CAPN13: variants seen among roughly 807,000 people sequenced by gnomAD.
CAPN13 encodes the protein calpain 13.
Under a neutral mutation model 98.4 loss-of-function variants are expected in CAPN13, and 90 were observed. That is an observed-to-expected ratio of 0.92 (90% confidence interval 0.77 to 1.09). The LOEUF (loss-of-function observed/expected upper bound fraction) is 1.09, where lower values mean the gene tolerates loss of function less well. CAPN13 is among the 50% of genes least tolerant of loss of function. The pLI is 0.00. For synonymous variants in CAPN13, 330 were observed against 305.5 expected (o/e 1.08, Z -0.84); for missense variants, 887 against 841.3 (o/e 1.05, Z -0.67).
chr2:30,723,973 C>T (rs1670775859), intron 22 of CAPN13, among the ~76,000 whole-genome samples: 1 of 152,180 alleles, frequency 6.6e-6, no homozygotes, highest in African/African-American at 2.4e-5. Flanking sequence ...CCTCCCTAAA[C>T]TCTTTCTTCT....
intron 1 of CAPN13, among the ~76,000 whole-genome samples, chr2:30,800,128 G>GAAAGAAAAGAAAGAAAAGAAAGA (rs1558351422): frequency 1.0e-4 from 13 of 129,450 alleles, no homozygotes; most frequent in African/African-American, 3.8e-4. Context: ...AAGAAAGAAA[G>GAAAGAAAAGAAAGAAAAGAAAGA]AAAGAAAGAA....
At chr2:30,763,400 G>A (rs542503068) in intron 6 of CAPN13, among the ~76,000 whole-genome samples, 3 of 152,198 alleles carry the variant, frequency 2.0e-5, no homozygotes, top group South Asian at 2.1e-4. Flanking sequence ...AGTCCCGAGG[G>A]CCTGGGTTAC....
intron 13 of CAPN13, chr2:30,743,024 C>A (rs1671735746): frequency 7.3e-6 from 2 of 274,378 alleles, no homozygotes. Flanking sequence ...TTCTACCTAC[C>A]TTCCCATGGC....
intron 7 of CAPN13, among the ~76,000 whole-genome samples, chr2:30,760,798 T>G (rs1313076075): frequency 1.3e-5 from 2 of 151,974 alleles, no homozygotes; most frequent in African/African-American, 4.8e-5. Context: ...GGAGCAGGGG[T>G]CACACGCGAG....
At chr2:30,796,744 T>G (rs1028879569) in intron 1 of CAPN13, among the ~76,000 whole-genome samples, 1 of 152,216 alleles carries the variant, frequency 6.6e-6, no homozygotes, top group Admixed American at 6.5e-5. Flanking sequence ...TGGCTAAATT[T>G]CATTTTGAAA....
At position 30,777,565 on chromosome 2, in the gene CAPN13, A is replaced by C; in HGVS notation, c.271+2T>G. On this transcript the variant is annotated splice_donor_variant, in intron 3 of 22. Coordinates refer to ENST00000295055, the MANE Select transcript of CAPN13 (RefSeq NM_144575.3). LOFTEE classifies it high-confidence loss of function. Reference sequence around the variant, plus strand: ...CACGGAGGGAAGATGTTGCACTCTTACCTGCGCCTCCTTGTTGGATGTCAA... The same window carrying C: ...CACGGAGGGAAGATGTTGCACTCTTCCCTGCGCCTCCTTGTTGGATGTCAA... 6.4e-7 allele frequency: 1 copy of C among 1,571,328 alleles called. No individual in the cohort carries two copies. Among genetic ancestry groups the C allele is most frequent in the Non-Finnish European group, 8.6e-7 (1 of 1,156,606 alleles).
At chr2:30,751,325 G>C in intron 10 of CAPN13, 74 bp from the exon 11 acceptor site, 1 of 1,538,108 alleles carries the variant, frequency 6.5e-7, no homozygotes, top group Non-Finnish European at 8.9e-7. Context: ...GTCCAGTGCA[G>C]AGAGTTCTGT....
rs2147977049 is a variant in CAPN13 at position 30,745,726 on chromosome 2, T to G, written c.1245A>C (p.Ser415=). 1 of 1,596,378 alleles carries G rather than the reference T, an allele frequency of 6.3e-7. No individual in the cohort carries two copies. The highest frequency in any genetic ancestry group is 1.7e-4 in the Middle Eastern group (1 of 6,056). ...PLDFQVILAG[S]QRFREKFPPV... ...CAAGGACGACGCTGAGCCATACCTG[T>G]GAGCCAGCCTGTTGGAAACAGGGAG... The change falls in exon 12 of 23, where the codon TCA becomes TCC. Residue 415 remains serine, a synonymous_variant. Transcript: ENST00000295055.
intron 1 of CAPN13, among the ~76,000 whole-genome samples, chr2:30,801,006 T>C (rs541825676): frequency 6.6e-6 from 1 of 152,318 alleles, no homozygotes; most frequent in Non-Finnish European, 1.5e-5. Context: ...CTCATTTAGC[T>C]AATTCAAATT....
chr2:30,751,094 C>A lies in CAPN13; in HGVS notation c.1236+9G>T. ...CTACAAGGGAAAGCCCTGAAGCAGG[C>A]TGCCTTACCAGAATCACTTGGAAAT... On this transcript the variant is annotated intron_variant, in intron 11 of 22. Coordinates refer to ENST00000295055, the MANE Select transcript of CAPN13 (RefSeq NM_144575.3). 6.2e-7 allele frequency: 1 copy of A among 1,613,032 alleles called. No individual in the cohort carries two copies. Among genetic ancestry groups the A allele is most frequent in the Non-Finnish European group, 8.5e-7 (1 of 1,179,452 alleles).
chr2:30,736,521 C>T lies in CAPN13; in HGVS notation c.1704G>A (p.Lys568=). ...CCCGTACCTGGTAGTGAACAAGGCG[C>T]TTCCACAGTCGCGCAAACTCCTCTT... The part of the protein sequence containing the change: ...LDQEEFARLW[K]RLVHYQHVFQ... Residue 568 remains lysine (K), a synonymous_variant, in exon 18 of 23, where the codon AAG becomes AAA. Coordinates refer to ENST00000295055, the MANE Select transcript of CAPN13 (RefSeq NM_144575.3). 1.2e-6 allele frequency: 2 copies of T among 1,614,024 alleles called. No homozygotes were observed. Among genetic ancestry groups the T allele is most frequent in the Non-Finnish European group, 1.7e-6 (2 of 1,179,900 alleles).
Position 30,770,576 on chromosome 2 carries a change from A to G in CAPN13, c.388-127T>C, listed in dbSNP as rs551757016. 2.2e-5 allele frequency: 26 copies of G among 1,170,734 alleles called. 1 individual carries two copies. The African/African-American group carries it at 2.6e-4, about 12-fold the overall frequency. 72.5% of individuals were successfully genotyped at this position (1,170,734 alleles called of 1,614,324 possible). On this transcript the variant is annotated intron_variant, in intron 4 of 22. Transcript: ENST00000295055. The stretch of plus-strand genomic sequence containing the variant: ...AATAATGAACTCTATTCCGAACAAA[A>G]TCCCAGCCCAGGTTGCCAGGCAGGA...
At chr2:30,781,890 T>C (rs761454520) in intron 2 of CAPN13, among the ~76,000 whole-genome samples, 2 of 152,228 alleles carry the variant, frequency 1.3e-5, no homozygotes, top group Non-Finnish European at 2.9e-5. Context: ...ATATATTTAC[T>C]AGCAATAAAT....
At chr2:30,754,201 A>T (rs868790535) in intron 9 of CAPN13, 89 bp downstream of exon 9, 4 of 1,049,660 alleles carry the variant, frequency 3.8e-6, no homozygotes, top group Middle Eastern at 2.1e-4. Flanking sequence ...GCTATTTTCC[A>T]CCTTCGTAAA....
At chr2:30,749,204 A>G (rs2147984803) in intron 11 of CAPN13, among the ~76,000 whole-genome samples, 1 of 152,338 alleles carries the variant, frequency 6.6e-6, no homozygotes, top group South Asian at 2.1e-4. Flanking sequence ...AAATGCTCCA[A>G]AATCCAAAAC....
At chr2:30,745,841 CT>C in intron 11 of CAPN13, 107 bp from the exon 12 acceptor site, 1 of 805,140 alleles carries the variant, frequency 1.2e-6, no homozygotes, top group Non-Finnish European at 1.9e-6. Flanking sequence ...ATTCCTTCTC[CT>C]TTTCTTCCTC....
At chr2:30,751,898 A>T (rs1672194002) in intron 10 of CAPN13, among the ~76,000 whole-genome samples, 1 of 152,252 alleles carries the variant, frequency 6.6e-6, no homozygotes, top group Non-Finnish European at 1.5e-5. Flanking sequence ...ATGCATCTGC[A>T]GCACATAGCA....
At chr2:30,748,722 G>T (rs1310806316) in intron 11 of CAPN13, among the ~76,000 whole-genome samples, 1 of 152,140 alleles carries the variant, frequency 6.6e-6, no homozygotes, top group Non-Finnish European at 1.5e-5. Context: ...TGGAAAAGGT[G>T]TTCAGGTACC....
At chr2:30,771,146 A>G (rs903522545) in intron 4 of CAPN13, among the ~76,000 whole-genome samples, 2 of 152,242 alleles carry the variant, frequency 1.3e-5, no homozygotes, top group Admixed American at 1.3e-4. Flanking sequence ...GACTGTTTGA[A>G]TCTTTAGCAT....
Sources: gnomAD v4.1 joint callset for allele counts (sites outside exome capture counted in the v4.1 genomes callset) on GRCh38, gnomAD v4.1.1 for gene constraint, MANE v1.5 for transcripts, NCBI Gene and HGNC (gene_info 2026-07-23, HGNC 2026-07-21) for gene names.